Variants in SIGLEC12 observed in about 807,000 individuals in gnomAD.
The protein encoded by SIGLEC12 is sialic acid binding Ig like lectin 12.
SIGLEC12 carries 43 observed loss-of-function variants against 54.1 expected under a neutral mutation model. The observed-to-expected ratio is 0.80, with a 90% CI of 0.62 to 1.03. SIGLEC12 has a LOEUF of 1.03. Among genes scored for constraint, SIGLEC12 ranks in the 50% least tolerant of loss-of-function variants. The pLI is 0.00. For missense variants in SIGLEC12, 802 were observed against 735.2 expected (o/e 1.09, Z -1.05); for synonymous variants, 357 against 307.6 (o/e 1.16, Z -1.68).
chr19:51,499,675 C>G lies in SIGLEC12; in HGVS notation c.850G>C (p.Glu284Gln). The change falls in exon 3 of 8, where the codon GAG becomes CAG. Residue 284 changes from glutamate (E) to glutamine (Q), a missense_variant. Physicochemically the swap from Glu to Gln is conservative, Grantham distance 29. Coordinates refer to ENST00000291707, the MANE Select transcript of SIGLEC12 (RefSeq NM_053003.4). ...MPTFSIPGTL[E>Q]SGHPRNLTCS... ...GTCAGGTTCCTGGGGTGGCCAGACTCCAGGGTCCCCGGGATGGAGAAGGTG... is the reference window on the plus strand; with the variant it reads ...GTCAGGTTCCTGGGGTGGCCAGACTGCAGGGTCCCCGGGATGGAGAAGGTG... 6.2e-7 allele frequency: 1 copy of G among 1,614,084 alleles called. No individual in the cohort carries two copies. Among genetic ancestry groups the G allele is most frequent in the African/African-American group, 1.3e-5 (1 of 75,038 alleles).
rs758408733 is a variant in SIGLEC12 at position 51,499,197 on chromosome 19, T to C, written c.1108A>G (p.Met370Val). Reference protein sequence around the residue: ...NISYPPQNLTMTVFQGDGTAS... With the variant: ...NISYPPQNLTVTVFQGDGTAS... ...GTGCCATCTCCTTGGAAGACAGTCA[T>C]GGTCAAGTTCTGAGGAGGATCTGGA... Residue 370 changes from methionine (M) to valine (V), a missense_variant, in exon 4 of 8, where the codon ATG becomes GTG. By Grantham distance (21) the Met-to-Val change is conservative. Coordinates refer to ENST00000291707, the MANE Select transcript of SIGLEC12 (RefSeq NM_053003.4). The C allele has an allele frequency of 1.2e-6, 2 of 1,613,978 alleles. No individual in the cohort carries two copies. Among genetic ancestry groups the C allele is most frequent in the Non-Finnish European group, 1.7e-6 (2 of 1,179,968 alleles).
At chr19:51,496,170 A>G (rs1990235563) in intron 7 of SIGLEC12, among the ~76,000 whole-genome samples, 2 of 152,242 alleles carry the variant, frequency 1.3e-5, no homozygotes, top group Admixed American at 6.5e-5. Context: ...CAAAATTAAT[A>G]TAAAAAGTCC....
Position 51,491,608 on chromosome 19 carries a change from A to G in SIGLEC12, c.*33T>C, listed in dbSNP as rs761901144. The G allele has an allele frequency of 6.2e-7, 1 of 1,608,568 alleles. No homozygotes were observed. Among genetic ancestry groups the G allele is most frequent in the Non-Finnish European group, 8.5e-7 (1 of 1,175,528 alleles). On this transcript the variant is annotated 3_prime_UTR_variant, in exon 8 of 8. Transcript: ENST00000291707. ...GGGCTTCTTTGCTGCAGGGGTCGTG[A>G]GCCCTCAAACAGGCCTGAGTCTCTG...
At chr19:51,500,347 A>T in intron 1 of SIGLEC12, 47 bp from the exon 2 acceptor site, 1 of 1,613,828 alleles carries the variant, frequency 6.2e-7, no homozygotes, top group Non-Finnish European at 8.5e-7. Flanking sequence ...CCCTCTCTTC[A>T]TTTGCCCATA....
intron 5 of SIGLEC12, 131 bp downstream of exon 5, chr19:51,497,887 C>T (rs1990282757): frequency 1.5e-6 from 2 of 1,313,238 alleles, no homozygotes; most frequent in South Asian, 3.0e-5. Flanking sequence ...TCCCCTCTCC[C>T]CACCCCGCAC....
chr19:51,501,197 C>T lies in SIGLEC12; in HGVS notation c.427+110G>A, dbSNP rs367584328. 1.8e-4 allele frequency: 212 copies of T among 1,184,874 alleles called. 1 individual carries two copies. The African/African-American group carries it at 2.2e-3, about 12-fold the overall frequency. The allele number at this position is 1,184,874 out of a possible 1,614,324, so 73.4% of individuals were successfully genotyped here. ...AGCTCAGGCTCTGGTCCAGCTCCTC[C>T]CCTGAGTCCATCACCCCCGGCCCCC... On this transcript the variant is annotated intron_variant, in intron 1 of 7. Coordinates refer to ENST00000291707, the MANE Select transcript of SIGLEC12 (RefSeq NM_053003.4).
intron 7 of SIGLEC12, among the ~76,000 whole-genome samples, chr19:51,496,616 T>C (rs1405905194): frequency 4.6e-5 from 7 of 152,004 alleles, no homozygotes. Flanking sequence ...GTGATGGCTG[T>C]GGAACGTCCC....
chr19:51,493,348 C>T (rs1990155124), intron 7 of SIGLEC12, among the ~76,000 whole-genome samples: 1 of 152,130 alleles, frequency 6.6e-6, no homozygotes. Context: ...TCAGAGCAGC[C>T]CTGAGCTCTT....
intron 5 of SIGLEC12, 100 bp downstream of exon 5, chr19:51,497,918 G>T: frequency 6.6e-7 from 1 of 1,504,204 alleles, no homozygotes; most frequent in Non-Finnish European, 9.0e-7. Context: ...GCAGCAAGAG[G>T]ACTGTGATGC....
At chr19:51,493,828 C>T (rs1187129567) in intron 7 of SIGLEC12, among the ~76,000 whole-genome samples, 4 of 152,214 alleles carry the variant, frequency 2.6e-5, no homozygotes, top group Non-Finnish European at 4.4e-5. Flanking sequence ...TCTGTCTTTC[C>T]TCTACCACAC....
At chr19:51,497,494 C>A (rs199830041) in intron 5 of SIGLEC12, 49 bp from the exon 6 acceptor site, 1 of 1,380,338 alleles carries the variant, frequency 7.2e-7, no homozygotes, top group Non-Finnish European at 1.0e-6. Flanking sequence ...AAGAACTGGG[C>A]CTCTTCTCCT....
chr19:51,492,280 G>A (rs896883470), intron 7 of SIGLEC12, among the ~76,000 whole-genome samples: 1 of 152,106 alleles, frequency 6.6e-6, no homozygotes, highest in Non-Finnish European at 1.5e-5. Context: ...TTTAACTGAA[G>A]GAGGTGGCAA....
At chr19:51,491,882 C>G in intron 7 of SIGLEC12, 53 bp from the exon 8 acceptor site, 1 of 1,420,712 alleles carries the variant, frequency 7.0e-7, no homozygotes, top group East Asian at 2.4e-5. Context: ...CCAGCATGCA[C>G]CAGAGAGCAT....
At position 51,501,487 on chromosome 19, in the gene SIGLEC12, G is replaced by T; in HGVS notation, c.247C>A (p.Arg83=). The T allele has an allele frequency of 6.2e-7, 1 of 1,613,786 alleles. No individual in the cohort carries two copies. Among genetic ancestry groups the T allele is most frequent in the Non-Finnish European group, 8.5e-7 (1 of 1,179,878 alleles). ...NIPVATNNPA[R]AVQEETRDRF... ...TCCCGAGTCTCCTCCTGCACTGCTC[G>T]AGCTGGGTTGTTTGTGGCCACTGGA... The change falls in exon 1 of 8, where the codon CGA becomes AGA. Residue 83 remains arginine (R), a synonymous_variant. Coordinates refer to ENST00000291707, the MANE Select transcript of SIGLEC12 (RefSeq NM_053003.4).
At chr19:51,497,123 G>A (rs1280000336) in intron 6 of SIGLEC12, 147 bp from the exon 7 acceptor site, 34 of 1,310,624 alleles carry the variant, frequency 2.6e-5, no homozygotes, top group Admixed American at 6.9e-5. Context: ...CCCCAATGTC[G>A]AAAACAGAGG....
chr19:51,493,351 G>A (rs183213090), intron 7 of SIGLEC12, among the ~76,000 whole-genome samples: 1 of 152,252 alleles, frequency 6.6e-6, no homozygotes, highest in East Asian at 1.9e-4. Flanking sequence ...GAGCAGCCCT[G>A]AGCTCTTCTT....
intron 7 of SIGLEC12, 36 bp from the exon 8 acceptor site, chr19:51,491,865 A>C (rs1990111729): frequency 6.7e-7 from 1 of 1,487,404 alleles, no homozygotes; most frequent in Non-Finnish European, 8.9e-7. Context: ...AGTGCAGAGC[A>C]GTGGGGCCAG....
In SIGLEC12 at chr19:51,496,975, C is replaced by T. The variant is rs752710799; in HGVS notation, c.1504G>A (p.Val502Met). 7 of 1,612,998 alleles carry T rather than the reference C, an allele frequency of 4.3e-6. No homozygotes were observed. The South Asian group carries it at 7.7e-5, about 18-fold the overall frequency. ...GCCGATTTCTTCCTGCAGGACCTCA[C>T]TCTGAGTGAAGAGACCAGAGAGCCT... The part of the protein sequence containing the change: ...FLYFCIIFVV[V>M]RSCRKKSARP... Residue 502 changes from valine to methionine, a missense_variant and splice_region_variant, in exon 7 of 8, where the codon GTG becomes ATG. Transcript: ENST00000291707.
chr19:51,495,037 A>C (rs765691861), intron 7 of SIGLEC12, among the ~76,000 whole-genome samples: 4 of 152,132 alleles, frequency 2.6e-5, no homozygotes, highest in Non-Finnish European at 5.9e-5. Flanking sequence ...TGCAAGATAA[A>C]AGGGTTCTAG....
Sources: gnomAD v4.1 joint callset for allele counts (sites outside exome capture counted in the v4.1 genomes callset) on GRCh38, gnomAD v4.1.1 for gene constraint, MANE v1.5 for transcripts, NCBI Gene and HGNC (gene_info 2026-07-23, HGNC 2026-07-21) for gene names.